The following EIF3G variants were observed in gnomAD, a reference collection of about 807,000 sequenced individuals.
EIF3G encodes eukaryotic translation initiation factor 3 subunit G.
EIF3G carries 10 observed loss-of-function variants against 41.7 expected under a neutral mutation model. The observed-to-expected ratio is 0.24, with a 90% CI of 0.15 to 0.41. EIF3G has a LOEUF of 0.41. EIF3G is among the 10% of genes least tolerant of loss of function. EIF3G has a pLI of 1.00. For synonymous variants in EIF3G, 204 were observed against 172.5 expected, an observed-to-expected ratio of 1.18 and a Z score of -1.43; for missense variants, 297 against 444.0, an observed-to-expected ratio of 0.67 and a Z score of 2.98.
rs1378185125 is a variant in EIF3G at position 10,117,099 on chromosome 19, G to C, written c.390C>G (p.Phe130Leu). The C allele has an allele frequency of 6.2e-7, 1 of 1,613,584 alleles. No homozygotes were observed. The highest frequency in any genetic ancestry group is 8.5e-7 in the Non-Finnish European group (1 of 1,179,830). Residue 130 changes from phenylalanine (F) to leucine (L), a missense_variant, in exon 6 of 11, where the codon TTC becomes TTG. This residue lies in a region of EIF3G where 26 missense variants were observed against 80.8 expected (regional missense o/e 0.32). Coordinates refer to ENST00000253108, the MANE Select transcript of EIF3G (RefSeq NM_003755.5). ...CCCCGCTTACCTCTTTGCTGGTGAT[G>C]AACGTCATAGAGACATCGTCACTGA... Reference protein sequence around the residue: ...TTVSDDVSMTFITSKEDLNCQ... With the variant: ...TTVSDDVSMTLITSKEDLNCQ...
In EIF3G at chr19:10,115,055, T is replaced by G. The variant is rs963292571; in HGVS notation, c.*59A>C. 2.5e-5 allele frequency: 41 copies of G among 1,611,280 alleles called. No homozygotes were observed. The highest frequency in any genetic ancestry group is 1.6e-4 in the Middle Eastern group (1 of 6,078). On this transcript the variant is annotated 3_prime_UTR_variant, in exon 11 of 11. Transcript: ENST00000253108. ...GCTTTATTGCCCTTGGAGCCCGCGC[T>G]CTCGGAGGCTGTCTTCTGTCGCCAA...
chr19:10,119,321 C>T (rs866453722), intron 2 of EIF3G, 150 bp from the exon 3 acceptor site: 1 of 923,592 alleles, frequency 1.1e-6, no homozygotes, highest in Non-Finnish European at 1.7e-6. Context: ...ACTGGGATGG[C>T]CCTGTGGGGA....
intron 10 of EIF3G, 88 bp downstream of exon 10, chr19:10,115,389 ATT>A: frequency 7.0e-7 from 1 of 1,421,370 alleles, no homozygotes; most frequent in Non-Finnish European, 9.6e-7. Flanking sequence ...GGACTGTTAA[ATT>A]GGCTCAGGGC....
rs555717163 is a variant in EIF3G at position 10,116,711 on chromosome 19, G to A, written c.595+89C>T. 2.2e-5 allele frequency: 30 copies of A among 1,346,630 alleles called. No homozygotes were observed. In the East Asian group the frequency reaches 4.7e-4, roughly 21 times the overall value. 83.4% of individuals were successfully genotyped at this position (1,346,630 alleles called of 1,614,324 possible). A position where few individuals can be genotyped will look rare whatever the true frequency, so the allele number is the denominator to read the frequency against. Reference sequence around the variant, plus strand: ...AGGAGAGTCTGGCACCATCAAACCCGCTGCACTGTCGTGCGGGAGATGACA... The same window carrying A: ...AGGAGAGTCTGGCACCATCAAACCCACTGCACTGTCGTGCGGGAGATGACA... On this transcript the variant is annotated intron_variant, in intron 7 of 10. Transcript: ENST00000253108. The surrounding 1 kb of genome is among the most constrained non-coding windows in gnomAD (Gnocchi z 4.1).
At chr19:10,118,808 A>T in intron 4 of EIF3G, 60 bp downstream of exon 4, 1 of 1,520,634 alleles carries the variant, frequency 6.6e-7, no homozygotes, top group Non-Finnish European at 9.1e-7. Context: ...ACCCCACCCC[A>T]TTCCGGTCTA....
chr19:10,116,307 C>T lies in EIF3G; in HGVS notation c.596-233G>A, dbSNP rs1303588238. On this transcript the variant is annotated intron_variant, in intron 7 of 10. Coordinates refer to ENST00000253108, the MANE Select transcript of EIF3G (RefSeq NM_003755.5). This position sits in a 1 kb window ranked among gnomAD's most constrained non-coding sequence, Gnocchi z 4.1. ...AGGAGGAGGAGCCCCGACCCCACCCCAGAGAGGGCGGGAGGACAACAGGGG... is the reference window on the plus strand; with the variant it reads ...AGGAGGAGGAGCCCCGACCCCACCCTAGAGAGGGCGGGAGGACAACAGGGG... 3.4e-6 allele frequency: 2 copies of T among 584,992 alleles called. No homozygotes were observed. Among genetic ancestry groups the T allele is most frequent in the African/African-American group, 3.7e-5 (2 of 53,498 alleles). 36.2% of individuals were successfully genotyped at this position (584,992 alleles called of 1,614,324 possible). A position where few individuals can be genotyped will look rare whatever the true frequency, so the allele number is the denominator to read the frequency against.
rs918884858 is a variant in EIF3G, at chr19:10,116,273, T to TGGAGGA, written c.596-205_596-200dup. On this transcript the variant is annotated intron_variant, in intron 7 of 10. Transcript: ENST00000253108. This position sits in a 1 kb window ranked among gnomAD's most constrained non-coding sequence, Gnocchi z 4.1. The stretch of plus-strand genomic sequence containing the variant: ...TTGAGCTCCCAGCCAGCGACACTGG[T>TGGAGGA]GGAGGAGGAGGAGGAGGAGCCCCGA... 3.3e-6 allele frequency: 2 copies of TGGAGGA among 608,646 alleles called. No individual in the cohort carries two copies. Among genetic ancestry groups the TGGAGGA allele is most frequent in the Admixed American group, 6.0e-5 (2 of 33,316 alleles). The allele number at this position is 608,646 out of a possible 1,614,324, so 37.7% of individuals were successfully genotyped here.
rs773137413 is a variant in EIF3G, at chr19:10,115,494, T to C, written c.932A>G (p.Asn311Ser). 7.4e-6 allele frequency: 12 copies of C among 1,612,070 alleles called. 1 individual carries two copies. The Middle Eastern group carries it at 6.6e-4, about 88-fold the overall frequency. ...SGFGYDHLIL[N>S]VEWAKPSTN Reference sequence around the variant, plus strand: ...GGAGTCTTACTTGGCCCACTCGACGTTGAGGATGAGGTGGTCGTAGCCAAA... The same window carrying C: ...GGAGTCTTACTTGGCCCACTCGACGCTGAGGATGAGGTGGTCGTAGCCAAA... The change falls in exon 10 of 11, where the codon AAC becomes AGC. Residue 311 changes from asparagine (N) to serine (S), a missense_variant. By Grantham distance (46) the Asn-to-Ser change is conservative. Coordinates refer to ENST00000253108, the MANE Select transcript of EIF3G (RefSeq NM_003755.5).
intron 5 of EIF3G, 190 bp from the exon 6 acceptor site, chr19:10,117,378 A>G: frequency 3.6e-6 from 2 of 562,878 alleles, no homozygotes; most frequent in Non-Finnish European, 6.3e-6. Context: ...CCTGAGCTCC[A>G]GGAGGCAGGG....
Position 10,115,143 on chromosome 19 carries a change from G to A in EIF3G, c.948-14C>T. 1.9e-6 allele frequency: 3 copies of A among 1,613,794 alleles called. No homozygotes were observed. The highest frequency in any genetic ancestry group is 2.5e-6 in the Non-Finnish European group (3 of 1,179,978). ...TTGGTGGACGGCCTGGGGTAGGGGA[G>A]GGTGGCAGGTATAAGACTTCTGGGG... On this transcript the variant is annotated splice_polypyrimidine_tract_variant and intron_variant, in intron 10 of 10. Coordinates refer to ENST00000253108, the MANE Select transcript of EIF3G (RefSeq NM_003755.5).
rs888034826 is a variant in EIF3G, at chr19:10,116,314, G to A, written c.596-240C>T. 2 of 578,338 alleles carry A rather than the reference G, an allele frequency of 3.5e-6. No individual in the cohort carries two copies. Among genetic ancestry groups the A allele is most frequent in the Non-Finnish European group, 6.2e-6 (2 of 323,862 alleles). 35.8% of individuals were successfully genotyped at this position (578,338 alleles called of 1,614,324 possible). A position where few individuals can be genotyped will look rare whatever the true frequency, so the allele number is the denominator to read the frequency against. ...GGAGCCCCGACCCCACCCCAGAGAG[G>A]GCGGGAGGACAACAGGGGCAGCAGC... On this transcript the variant is annotated intron_variant, in intron 7 of 10. Coordinates refer to ENST00000253108, the MANE Select transcript of EIF3G (RefSeq NM_003755.5). The surrounding 1 kb of genome is among the most constrained non-coding windows in gnomAD (Gnocchi z 4.1).
In EIF3G at chr19:10,115,031, C is replaced by G; in HGVS notation, c.*83G>C. ...GAACCAAGTAGAGAGAGTGGAGCTG[C>G]TTTATTGCCCTTGGAGCCCGCGCTC... On this transcript the variant is annotated 3_prime_UTR_variant, in exon 11 of 11. Transcript: ENST00000253108. 6.3e-6 allele frequency: 10 copies of G among 1,589,272 alleles called. No individual in the cohort carries two copies. Among genetic ancestry groups the G allele is most frequent in the Non-Finnish European group, 7.7e-6 (9 of 1,162,976 alleles).
chr19:10,117,408 C>G (rs2089269025), intron 5 of EIF3G: 1 of 548,214 alleles, frequency 1.8e-6, no homozygotes, highest in Non-Finnish European at 3.2e-6. Context: ...GCCTCCGGGT[C>G]CAGGTGACAG....
chr19:10,119,812 G>A (rs2089291118), intron 1 of EIF3G, 28 bp downstream of exon 1: 7 of 1,614,054 alleles, frequency 4.3e-6, no homozygotes, highest in Non-Finnish European at 5.1e-6. Context: ...ACCGCTTCCC[G>A]TGCCCCTTTC....
chr19:10,116,567 T>G lies in EIF3G; in HGVS notation c.595+233A>C. On this transcript the variant is annotated intron_variant, in intron 7 of 10. Coordinates refer to ENST00000253108, the MANE Select transcript of EIF3G (RefSeq NM_003755.5). This position sits in a 1 kb window ranked among gnomAD's most constrained non-coding sequence, Gnocchi z 4.1. ...CACCCTGGGGCCGACAGACAGCAGC[T>G]CATCAGGACAGTCACAGGGCCACCA... The G allele has an allele frequency of 1.9e-6, 1 of 530,818 alleles. No individual in the cohort carries two copies. The allele number at this position is 530,818 out of a possible 1,614,324, so 32.9% of individuals were successfully genotyped here.
Position 10,116,140 on chromosome 19 carries a change from A to G in EIF3G, c.596-66T>C. 2 of 1,502,438 alleles carry G rather than the reference A, an allele frequency of 1.3e-6. No individual in the cohort carries two copies. The highest frequency in any genetic ancestry group is 1.8e-6 in the Non-Finnish European group (2 of 1,099,954). 93.1% of individuals were successfully genotyped at this position (1,502,438 alleles called of 1,614,324 possible). A position where few individuals can be genotyped will look rare whatever the true frequency, so the allele number is the denominator to read the frequency against. On this transcript the variant is annotated intron_variant, in intron 7 of 10. Transcript: ENST00000253108. The surrounding 1 kb of genome is among the most constrained non-coding windows in gnomAD (Gnocchi z 4.1). ...GCAGGCGTGGGGACAGAGCCGCCCC[A>G]GGAAGCTCGGGCTTCAGTGTTGAGC...
chr19:10,115,628 C>G, intron 9 of EIF3G, 43 bp from the exon 10 acceptor site: 3 of 1,611,754 alleles, frequency 1.9e-6, no homozygotes, highest in Non-Finnish European at 2.5e-6. Context: ...CTAGGACAGG[C>G]GACCCTAGGA....
intron 10 of EIF3G, 103 bp downstream of exon 10, chr19:10,115,376 G>C (rs2305795): frequency 6.0e-6 from 8 of 1,338,094 alleles, no homozygotes; most frequent in Non-Finnish European, 8.2e-6. Context: ...AAAACCAGCC[G>C]GGGGACTGTT....
chr19:10,116,663 A>C lies in EIF3G; in HGVS notation c.595+137T>G. 1.2e-6 allele frequency: 1 copy of C among 869,438 alleles called. No individual in the cohort carries two copies. The allele number at this position is 869,438 out of a possible 1,614,324, so 53.9% of individuals were successfully genotyped here. Reference sequence around the variant, plus strand: ...CTCCCAACCATAGGAGGTACAGCCAATTAGGAAGGCACAGACGCCCCGAGG... The same window carrying C: ...CTCCCAACCATAGGAGGTACAGCCACTTAGGAAGGCACAGACGCCCCGAGG... On this transcript the variant is annotated intron_variant, in intron 7 of 10. Coordinates refer to ENST00000253108, the MANE Select transcript of EIF3G (RefSeq NM_003755.5). This position sits in a 1 kb window ranked among gnomAD's most constrained non-coding sequence, Gnocchi z 4.1.
Sources: allele counts gnomAD v4.1 joint callset, GRCh38; gene constraint gnomAD v4.1.1; regional missense constraint gnomAD v4.1.1; non-coding constraint Gnocchi (gnomAD v3.1); transcripts MANE v1.5; gene names NCBI Gene and HGNC (gene_info 2026-07-23, HGNC 2026-07-21).